Variants in TENM2 observed in about 807,000 individuals in gnomAD.
The protein encoded by TENM2 is teneurin-2.
TENM2 carries 52 observed loss-of-function variants against 245.2 expected under a neutral mutation model. That is an observed-to-expected ratio of 0.21 (90% CI 0.17 to 0.27). TENM2 has a LOEUF of 0.27. TENM2 is among the 10% of genes least tolerant of loss of function. TENM2 has a pLI of 1.00. For missense variants in TENM2, 3,046 were observed against 3,666.8 expected, an observed-to-expected ratio of 0.83 and a Z score of 4.37; for synonymous variants, 1,363 against 1,438.9, an observed-to-expected ratio of 0.95 and a Z score of 1.19.
At chr5:168,137,416 G>T (rs1755145863) in intron 12 of TENM2, among the ~76,000 whole-genome samples, 1 of 152,232 alleles carries the variant, frequency 6.6e-6, no homozygotes, top group Admixed American at 6.5e-5. Context: ...GCCAGGGAGT[G>T]GGGGAGTCCC....
chr5:167,321,477 T>G (rs560318417), intron 1 of TENM2, among the ~76,000 whole-genome samples: 1 of 152,262 alleles, frequency 6.6e-6, no homozygotes, highest in Non-Finnish European at 1.5e-5. Context: ...CCTTGAGAAT[T>G]TATCACCAGC....
At chr5:167,120,815 T>C in the TENM2 span, among the ~76,000 whole-genome samples, 2 of 152,248 alleles carry the variant, frequency 1.3e-5, no homozygotes, top group African/African-American at 4.8e-5. Context: ...TAAGATTGGC[T>C]GCTTGGAGTG....
At chr5:167,184,448 AGTTTTT>A in the TENM2 span, among the ~76,000 whole-genome samples, 7 of 152,150 alleles carry the variant, frequency 4.6e-5, no homozygotes, top group East Asian at 1.2e-3. Flanking sequence ...GATGGTAAAA[AGTTTTT>A]GTTTTTGTTT....
intron 1 of TENM2, among the ~76,000 whole-genome samples, chr5:167,353,411 C>A (rs1759063563): frequency 6.7e-6 from 1 of 149,364 alleles, no homozygotes; most frequent in Non-Finnish European, 1.5e-5. Context: ...TTTTTACATA[C>A]ATTTCTCATC....
intron 3 of TENM2, among the ~76,000 whole-genome samples, chr5:167,928,568 C>T (rs974898871): frequency 6.6e-6 from 1 of 151,994 alleles, no homozygotes; most frequent in Admixed American, 6.6e-5. Flanking sequence ...ATATCATCCC[C>T]TGGCACAGAA....
chr5:167,988,537 G>A (rs1783418375), intron 4 of TENM2, among the ~76,000 whole-genome samples: 1 of 152,198 alleles, frequency 6.6e-6, no homozygotes, highest in South Asian at 2.1e-4. Context: ...AGCAGAGATT[G>A]AAGGAACAAG....
chr5:167,038,629 T>A, the TENM2 span, among the ~76,000 whole-genome samples: 1 of 152,162 alleles, frequency 6.6e-6, no homozygotes, highest in Non-Finnish European at 1.5e-5. Context: ...AGATTCTCCC[T>A]AAATGGCAGA....
intron 3 of TENM2, among the ~76,000 whole-genome samples, chr5:167,947,668 C>T (rs1272198323): frequency 6.6e-6 from 1 of 152,172 alleles, no homozygotes; most frequent in African/African-American, 2.4e-5. Flanking sequence ...CTGCCAACAC[C>T]ATCTCCTCTT....
At chr5:168,220,477 A>C (rs141428977) in intron 23 of TENM2, among the ~76,000 whole-genome samples, 99 of 152,350 alleles carry the variant, frequency 6.5e-4, no homozygotes, top group African/African-American at 2.3e-3. Context: ...GTGTTTTAAA[A>C]TGTTCAGAAG....
chr5:167,293,366 TA>T (rs1446853978), intron 1 of TENM2, among the ~76,000 whole-genome samples: 6 of 135,462 alleles, frequency 4.4e-5, no homozygotes, highest in African/African-American at 2.0e-4. Flanking sequence ...CATGTCCGGC[TA>T]ATTTTTTTTT....
At chr5:167,433,888 G>A (rs1216818265) in intron 2 of TENM2, among the ~76,000 whole-genome samples, 1 of 151,962 alleles carries the variant, frequency 6.6e-6, no homozygotes, top group Non-Finnish European at 1.5e-5. Context: ...TCAGATCTTT[G>A]AACCATCCAG....
At chr5:167,866,181 A>G (rs1772305770) in intron 2 of TENM2, among the ~76,000 whole-genome samples, 1 of 152,200 alleles carries the variant, frequency 6.6e-6, no homozygotes, top group African/African-American at 2.4e-5. Context: ...ATGAGTCTTT[A>G]GAGTGTCTTC....
chr5:168,165,648 A>AAC (rs1758190136), intron 13 of TENM2, among the ~76,000 whole-genome samples: 1 of 30,942 alleles, frequency 3.2e-5, no homozygotes, highest in Non-Finnish European at 5.6e-5. Context: ...CCCCCCCCCA[A>AAC]CCCCCCCCCC....
intron 2 of TENM2, among the ~76,000 whole-genome samples, chr5:167,759,253 A>G (rs1475254119): frequency 6.6e-6 from 1 of 151,632 alleles, no homozygotes; most frequent in Non-Finnish European, 1.5e-5. Flanking sequence ...TCATAACAAT[A>G]AGGCTATTGT....
In TENM2 at chr5:167,748,828, C is replaced by G. The variant is rs369380289; in HGVS notation, c.503-127158C>G. Reference sequence around the variant, plus strand: ...TGAGAACAGCGCGGCGGAAACCACCCCCAGGATTCAATCACCTCCCACCGG... The same window carrying G: ...TGAGAACAGCGCGGCGGAAACCACCGCCAGGATTCAATCACCTCCCACCGG... On this transcript the variant is annotated intron_variant, in intron 2 of 28. Transcript: ENST00000518659. Among the ~76,000 whole-genome samples the G allele has an allele frequency of 2.0e-5, 3 of 152,082 alleles. No individual in the cohort carries two copies. In the East Asian group the frequency reaches 5.8e-4, roughly 30 times the overall value.
At chr5:167,913,979 A>G (rs1414412984) in intron 3 of TENM2, among the ~76,000 whole-genome samples, 1 of 152,230 alleles carries the variant, frequency 6.6e-6, no homozygotes, top group East Asian at 1.9e-4. Flanking sequence ...GTGAGCAATC[A>G]ATAAATGTTA....
At chr5:168,203,885 C>A in intron 18 of TENM2, 53 bp downstream of exon 20, 1 of 1,533,550 alleles carries the variant, frequency 6.5e-7, no homozygotes, top group Non-Finnish European at 8.9e-7. Flanking sequence ...TCTCTGGAAC[C>A]TTGTCTCTAG....
chr5:167,348,067 G>T (rs1258844912), intron 1 of TENM2, among the ~76,000 whole-genome samples: 1 of 152,154 alleles, frequency 6.6e-6, no homozygotes, highest in East Asian at 1.9e-4. Flanking sequence ...TTTTAAACTG[G>T]ACTAGACGGC....
At chr5:167,567,050 A>T (rs1289295837) in intron 2 of TENM2, among the ~76,000 whole-genome samples, 1 of 105,214 alleles carries the variant, frequency 9.5e-6, no homozygotes, top group African/African-American at 2.7e-5. Flanking sequence ...ATATAATTAT[A>T]ATAAGCCAAT....
Sources: gnomAD v4.1 joint callset for allele counts (sites outside exome capture counted in the v4.1 genomes callset) on GRCh38, gnomAD v4.1.1 for gene constraint, MANE v1.5 for transcripts, NCBI Gene and HGNC (gene_info 2026-07-23, HGNC 2026-07-21) for gene names.